The following RELN variants were observed in gnomAD, a reference collection of about 807,000 sequenced individuals.
RELN encodes reelin.
Under a neutral mutation model 427.6 loss-of-function variants are expected in RELN, and 108 were observed. The observed-to-expected ratio is 0.25, with a 90% confidence interval of 0.22 to 0.30. RELN has a LOEUF of 0.30. Among genes scored for constraint, RELN ranks in the 10% least tolerant of loss-of-function variants. The probability of loss-of-function intolerance (pLI) is 1.00; values close to 1 mark genes in which losing one functional copy is unlikely to be tolerated. For missense variants in RELN, 3,715 were observed against 4,302.8 expected (o/e 0.86, Z 3.82); for synonymous variants, 1,524 against 1,513.4 (o/e 1.01, Z -0.16).
At chr7:103,917,210 A>T (rs773877928) in intron 1 of RELN, 25 bp from the exon 2 acceptor site, 1 of 1,527,058 alleles carries the variant, frequency 6.5e-7, no homozygotes, top group Non-Finnish European at 9.1e-7. Context: ...AGAAAAAAAA[A>T]ACTCTCAATA....
At chr7:103,653,239 T>C (rs1832959353) in intron 13 of RELN, among the ~76,000 whole-genome samples, 1 of 152,036 alleles carries the variant, frequency 6.6e-6, no homozygotes, top group Non-Finnish European at 1.5e-5. Flanking sequence ...GCTGATTTGA[T>C]ATGAGGCATG....
rs1235370670 is a variant in RELN, at chr7:103,561,601, C to A, written c.5460G>T (p.Val1820=). ...GNLHPDLWPE[V]YGAERGNLNG... ...TCAGATTCCCCCTCTCTGCACCATA[C>A]ACTTCAGGCCAAAGGTCAGGATGTA... The change falls in exon 36 of 65, where the codon GTG becomes GTT. Residue 1820 remains valine, a synonymous_variant. Transcript: ENST00000428762. 2 of 1,613,804 alleles carry A rather than the reference C, an allele frequency of 1.2e-6. No individual in the cohort carries two copies. The highest frequency in any genetic ancestry group is 1.1e-5 in the South Asian group (1 of 91,078).
At chr7:103,682,345 T>C in intron 10 of RELN, 84 bp from the exon 11 acceptor site, 2 of 1,454,070 alleles carry the variant, frequency 1.4e-6, no homozygotes, top group Non-Finnish European at 1.9e-6. Flanking sequence ...TTAGAGTTTT[T>C]AGAAAAGTTA....
intron 2 of RELN, among the ~76,000 whole-genome samples, chr7:103,834,149 G>A (rs773784314): frequency 1.3e-4 from 20 of 152,170 alleles, no homozygotes; most frequent in Non-Finnish European, 2.8e-4. Context: ...TCCTATTTGG[G>A]AGGTTTCAAG....
intron 42 of RELN, among the ~76,000 whole-genome samples, chr7:103,543,538 T>C (rs181471854): frequency 0.012 from 1,761 of 152,042 alleles, 31 homozygotes; most frequent in African/African-American, 0.04. Flanking sequence ...CTTGGCTACT[T>C]GGGAGGCTGA....
At position 103,596,546 on chromosome 7, in the gene RELN, T is replaced by G; in HGVS notation, c.3449A>C (p.Glu1150Ala). Residue 1150 changes from glutamate (E) to alanine (A), a missense_variant, in exon 25 of 65, where the codon GAG becomes GCG. Coordinates refer to ENST00000428762, the MANE Select transcript of RELN (RefSeq NM_005045.4). ...SASCNKPDSREEGVLLQYSNN... is the reference protein window; with the variant it reads ...SASCNKPDSRAEGVLLQYSNN... ...GCTGTACTGAAGGAGGACGCCCTCC[T>G]CTCTGCTGTCAGGCTTGTTGCATGA... is the stretch of plus-strand genomic sequence containing the variant. 1 of 1,614,090 alleles carries G rather than the reference T, an allele frequency of 6.2e-7. No individual in the cohort carries two copies. Among genetic ancestry groups the G allele is most frequent in the Non-Finnish European group, 8.5e-7 (1 of 1,179,944 alleles).
In RELN at chr7:103,575,785, A is replaced by G. The variant is rs957083545; in HGVS notation, c.4146-80T>C. 8 of 1,475,718 alleles carry G rather than the reference A, an allele frequency of 5.4e-6. No individual in the cohort carries two copies. In the African/African-American group the frequency reaches 1.1e-4, roughly 20 times the overall value. 91.4% of individuals were successfully genotyped at this position (1,475,718 alleles called of 1,614,324 possible). On this transcript the variant is annotated intron_variant, in intron 28 of 64. Coordinates refer to ENST00000428762, the MANE Select transcript of RELN (RefSeq NM_005045.4). The stretch of plus-strand genomic sequence containing the variant: ...TTGGAATATAGAAAAATTCAGAAAA[A>G]CTCAACAGAGACTTAATATTTATTT...
Position 103,489,794 on chromosome 7 carries a change from C to T in RELN, c.9711G>A (p.Gly3237=). The change falls in exon 60 of 65, where the codon GGG becomes GGA. Residue 3237 remains glycine (G), a synonymous_variant. Transcript: ENST00000428762. ...TGGCACCGGTCGTGCAGTATCCGTG[C>T]CCGCTGCAGAGCTTGGGGCAAGCCT... ...IGEACPKLCS[G]HGYCTTGAIC... is the part of the protein sequence containing the mutation. 6.2e-7 allele frequency: 1 copy of T among 1,614,170 alleles called. No homozygotes were observed. The highest frequency in any genetic ancestry group is 8.5e-7 in the Non-Finnish European group (1 of 1,180,024).
At chr7:103,870,604 C>T (rs560732898) in intron 2 of RELN, among the ~76,000 whole-genome samples, 2 of 152,062 alleles carry the variant, frequency 1.3e-5, no homozygotes, top group South Asian at 4.1e-4. Context: ...AAAGCATGAC[C>T]CTTCTGGCCT....
chr7:103,483,551 G>A, intron 62 of RELN, 102 bp downstream of exon 62: 1 of 1,163,152 alleles, frequency 8.6e-7, no homozygotes, highest in Non-Finnish European at 1.3e-6. Context: ...TTGTGGCATT[G>A]GTGCATTAAC....
chr7:103,898,368 T>A (rs891595017), intron 2 of RELN, among the ~76,000 whole-genome samples: 1 of 152,082 alleles, frequency 6.6e-6, no homozygotes, highest in African/African-American at 2.4e-5. Context: ...ATTGGGCATT[T>A]AGAAATTTTT....
At chr7:103,883,516 T>C (rs10278412) in intron 2 of RELN, among the ~76,000 whole-genome samples, 59,588 of 152,122 alleles carry the variant, frequency 0.39, 12,281 homozygotes, top group Non-Finnish European at 0.43. Context: ...GATGACATGA[T>C]TGTATATTTA....
chr7:103,944,745 G>A (rs1796184878), intron 1 of RELN, among the ~76,000 whole-genome samples: 2 of 152,138 alleles, frequency 1.3e-5, no homozygotes, highest in African/African-American at 4.8e-5. Context: ...CAAAAATGGG[G>A]ATCTTCAGCC....
chr7:103,682,112 T>C lies in RELN; in HGVS notation c.1289+4A>G, dbSNP rs1833665703. 6.2e-7 allele frequency: 1 copy of C among 1,613,520 alleles called. No homozygotes were observed. The highest frequency in any genetic ancestry group is 8.5e-7 in the Non-Finnish European group (1 of 1,179,594). ...ACACAGCATGGGAGATAGCAATTAC[T>C]TACCCTGTAGGCTGGCTCTCAAATT... On this transcript the variant is annotated splice_donor_region_variant and intron_variant, in intron 11 of 64. Transcript: ENST00000428762.
At chr7:103,934,044 A>G (rs139284736) in intron 1 of RELN, among the ~76,000 whole-genome samples, 9 of 152,274 alleles carry the variant, frequency 5.9e-5, no homozygotes, top group African/African-American at 2.2e-4. Flanking sequence ...AGTGTTCTCA[A>G]TAGTGCCTAT....
At chr7:103,711,170 T>C (rs761479519) in intron 8 of RELN, among the ~76,000 whole-genome samples, 2 of 152,258 alleles carry the variant, frequency 1.3e-5, no homozygotes, top group South Asian at 2.1e-4. Flanking sequence ...TTTTGTGATG[T>C]TTGTGGTACA....
intron 41 of RELN, among the ~76,000 whole-genome samples, chr7:103,550,195 A>G (rs1584286014): frequency 6.6e-6 from 1 of 152,244 alleles, no homozygotes; most frequent in East Asian, 1.9e-4. Flanking sequence ...TCATGTTCAA[A>G]GAGATGCAGA....
intron 28 of RELN, among the ~76,000 whole-genome samples, chr7:103,581,159 A>G (rs1339313334): frequency 6.6e-6 from 1 of 152,214 alleles, no homozygotes; most frequent in Non-Finnish European, 1.5e-5. Flanking sequence ...AGGAACCACT[A>G]TCAGGGAACA....
rs376881823 is a variant in RELN at position 103,490,662 on chromosome 7, A to T, written c.9605+6T>A. On this transcript the variant is annotated splice_donor_region_variant and intron_variant, in intron 59 of 64. Transcript: ENST00000428762. The stretch of plus-strand genomic sequence containing the variant: ...TTCACAAAGTTTACCTTAATTTGCA[A>T]CCTACCTAGAGGAGACATGGTCAGG... 3.7e-5 allele frequency: 60 copies of T among 1,613,982 alleles called. No individual in the cohort carries two copies. In the African/African-American group the frequency reaches 5.5e-4, roughly 15 times the overall value.
Sources: gnomAD v4.1 joint callset for allele counts (sites outside exome capture counted in the v4.1 genomes callset) on GRCh38, gnomAD v4.1.1 for gene constraint, MANE v1.5 for transcripts, NCBI Gene and HGNC (gene_info 2026-07-23, HGNC 2026-07-21) for gene names.